Variants in TLE2 observed in about 807,000 individuals in gnomAD.
TLE2 encodes transducin-like enhancer protein 2.
TLE2 carries 74 observed loss-of-function variants against 97.2 expected under a neutral mutation model. That is an observed-to-expected ratio of 0.76 (90% CI 0.63 to 0.92). TLE2 has a LOEUF of 0.92. TLE2 is among the 40% of genes least tolerant of loss of function. The pLI, the probability that TLE2 is intolerant of heterozygous loss-of-function variation, is 0.00. For missense variants in TLE2, 1,038 were observed against 1,008.7 expected (o/e 1.03, Z -0.39); for synonymous variants, 499 against 432.1 (o/e 1.15, Z -1.92).
rs376436338 is a variant in TLE2, at chr19:3,028,432, G to C, written c.123-50C>G. 36 of 1,534,354 alleles carry C rather than the reference G, an allele frequency of 2.3e-5. No homozygotes were observed. In the African/African-American group the frequency reaches 4.5e-4, roughly 19 times the overall value. On this transcript the variant is annotated intron_variant, in intron 2 of 19. Coordinates refer to ENST00000262953, the MANE Select transcript of TLE2 (RefSeq NM_003260.5). ...GGCTCCCACCCGCCCCATGTGGGCCGGCTTCCAAAGTGAGAGGCTGGATCT... is the reference window on the plus strand; with the variant it reads ...GGCTCCCACCCGCCCCATGTGGGCCCGCTTCCAAAGTGAGAGGCTGGATCT...
In TLE2 at chr19:3,019,240, GC is replaced by G. The variant is rs1568243435; in HGVS notation, c.550+42del. On this transcript the variant is annotated intron_variant, in intron 7 of 19. Transcript: ENST00000262953. This position sits in a 1 kb window ranked among gnomAD's most constrained non-coding sequence, Gnocchi z 5.1. ...CCTGGACTGCCAGTCGTCCTCCCCAGCCCCGTCTCCCCAGCCAATGCCACCC... is the reference window on the plus strand; with the variant it reads ...CCTGGACTGCCAGTCGTCCTCCCCAGCCCGTCTCCCCAGCCAATGCCACCC... 6.5e-7 allele frequency: 1 copy of G among 1,546,654 alleles called. No homozygotes were observed. Among genetic ancestry groups the G allele is most frequent in the Non-Finnish European group, 8.7e-7 (1 of 1,153,544 alleles).
intron 14 of TLE2, 96 bp from the exon 15 acceptor site, chr19:3,006,765 C>A: frequency 6.9e-7 from 1 of 1,454,630 alleles, no homozygotes; most frequent in Non-Finnish European, 9.1e-7. Flanking sequence ...TGCCTGGCAC[C>A]CTCTGATGTG....
At position 3,029,031 on chromosome 19, in the gene TLE2, C is replaced by A; in HGVS notation, c.-127G>T. 2.0e-6 allele frequency: 3 copies of A among 1,486,030 alleles called. No individual in the cohort carries two copies. The highest frequency in any genetic ancestry group is 2.7e-6 in the Non-Finnish European group (3 of 1,118,744). 92.1% of individuals were successfully genotyped at this position (1,486,030 alleles called of 1,614,324 possible). ...AGAAAGAGGGAGGAGGGAGAAGCGG[C>A]GCGGGGCAAGGGACCCTGGAGTCCC... On this transcript the variant is annotated 5_prime_UTR_variant, in exon 1 of 20. Coordinates refer to ENST00000262953, the MANE Select transcript of TLE2 (RefSeq NM_003260.5).
At chr19:3,036,732 T>C (rs890597139) in intron 1 of TLE2, among the ~76,000 whole-genome samples, 2 of 142,782 alleles carry the variant, frequency 1.4e-5, no homozygotes, top group African/African-American at 5.1e-5. Context: ...GTGAGATTGC[T>C]GGACAAAACT....
In TLE2 at chr19:3,025,062, C is replaced by A; in HGVS notation, c.252G>T (p.Leu84=). ...MHKQAEIVKR[L]SGICAQIIPF... ...GGATAATCTGAGCGCAGATACCGCT[C>A]AGACGCTTCACAATCTCCGCCTGGC... The change falls in exon 5 of 20, where the codon CTG becomes CTT. Residue 84 remains leucine (L), a synonymous_variant. Transcript: ENST00000262953. The A allele has an allele frequency of 6.2e-7, 1 of 1,605,430 alleles. No homozygotes were observed. The highest frequency in any genetic ancestry group is 8.5e-7 in the Non-Finnish European group (1 of 1,176,244).
chr19:3,019,306 C>A lies in TLE2; in HGVS notation c.527G>T (p.Gly176Val). The A allele has an allele frequency of 6.3e-7, 1 of 1,577,274 alleles. No individual in the cohort carries two copies. Among genetic ancestry groups the A allele is most frequent in the South Asian group, 1.2e-5 (1 of 86,922 alleles). Reference protein sequence around the residue: ...LAAAVKEDRAGVEAEGSRVER... With the variant: ...LAAAVKEDRAVVEAEGSRVER... ...ACCTCTGGACCCCTCGGCCTCCACG[C>A]CCGCACGGTCCTCCTTGACAGCCGC... Residue 176 changes from glycine to valine, a missense_variant, in exon 7 of 20, where the codon GGC (glycine) becomes GTC (valine). Gly to Val is a moderately radical substitution (Grantham distance 109, BLOSUM62 -3). Coordinates refer to ENST00000262953, the MANE Select transcript of TLE2 (RefSeq NM_003260.5). This position sits in a 1 kb window ranked among gnomAD's most constrained non-coding sequence, Gnocchi z 5.1.
intron 9 of TLE2, 146 bp from the exon 10 acceptor site, chr19:3,014,760 G>A (rs972810907): frequency 1.3e-5 from 10 of 766,626 alleles, no homozygotes; most frequent in Non-Finnish European, 1.9e-5. Flanking sequence ...TTTGCTCATA[G>A]CAGAAGGGAA....
At chr19:3,006,052 A>C (rs2089468189) in intron 15 of TLE2, 84 bp from the exon 16 acceptor site, 1 of 1,481,000 alleles carries the variant, frequency 6.8e-7, no homozygotes, top group Non-Finnish European at 9.4e-7. Flanking sequence ...GGGTCTCTGG[A>C]GCCCAATGTA....
intron 5 of TLE2, among the ~76,000 whole-genome samples, chr19:3,021,671 C>T (rs758049524): frequency 5.9e-5 from 9 of 152,022 alleles, no homozygotes; most frequent in African/African-American, 9.7e-5. Context: ...CAACCTCCGC[C>T]TCCCAGGTTC....
Position 3,005,575 on chromosome 19 carries a change from C to A in TLE2, c.1758G>T (p.Gln586His), listed in dbSNP as rs1367798973. 3 of 1,613,174 alleles carry A rather than the reference C, an allele frequency of 1.9e-6. No homozygotes were observed. The highest frequency in any genetic ancestry group is 1.7e-5 in the Admixed American group (1 of 59,840). ...LQNQTMVRQF[Q>H]GHTDGASCID... ...TGCAGCTGGCGCCGTCCGTGTGGCC[C>A]TGGAACTGCCTGGAGGGAGAAGGGC... Residue 586 changes from glutamine to histidine, a missense_variant, in exon 17 of 20, where the codon CAG (glutamine) becomes CAT (histidine). Transcript: ENST00000262953.
intron 18 of TLE2, among the ~76,000 whole-genome samples, chr19:3,001,226 T>C (rs979206485): frequency 6.6e-6 from 1 of 151,464 alleles, no homozygotes; most frequent in Non-Finnish European, 1.5e-5. Context: ...TGAGCTGAGA[T>C]TGCGCCACTG....
Position 3,002,350 on chromosome 19 carries a change from C to G in TLE2, c.2047+3G>C. 1 of 1,606,916 alleles carries G rather than the reference C, an allele frequency of 6.2e-7. No individual in the cohort carries two copies. The highest frequency in any genetic ancestry group is 8.5e-7 in the Non-Finnish European group (1 of 1,175,732). On this transcript the variant is annotated splice_donor_region_variant and intron_variant, in intron 18 of 19. Transcript: ENST00000262953. ...GCGTGCCACCCCGCCCCAGAAGACA[C>G]ACCGCAGGAGGCAAACTTCAGGGAC...
In TLE2 at chr19:3,028,717, A is replaced by C. The variant is rs1382302048; in HGVS notation, c.111T>G (p.Ala37=). The C allele has an allele frequency of 6.2e-7, 1 of 1,612,622 alleles. No individual in the cohort carries two copies. The highest frequency in any genetic ancestry group is 1.3e-5 in the African/African-American group (1 of 74,936). The stretch of plus-strand genomic sequence containing the variant: ...GCGGCCCCCCTCACCTGTGGTATTG[A>C]GCCTGAAGAAACTGGAATTCTTCTT... ...RIKEEFQFLQ[A]QYHSLKLECE... is the part of the protein sequence containing the mutation. Residue 37 remains alanine (A), a synonymous_variant, in exon 2 of 20, where the codon GCT becomes GCG. Coordinates refer to ENST00000262953, the MANE Select transcript of TLE2 (RefSeq NM_003260.5).
At chr19:3,009,182 G>C (rs1599208093) in intron 13 of TLE2, among the ~76,000 whole-genome samples, 1 of 152,286 alleles carries the variant, frequency 6.6e-6, no homozygotes, top group Non-Finnish European at 1.5e-5. Context: ...GGATCCTGAA[G>C]GGTTCTCCAT....
At chr19:3,002,796 TC>T (rs1391434287) in intron 17 of TLE2, among the ~76,000 whole-genome samples, 9 of 152,070 alleles carry the variant, frequency 5.9e-5, no homozygotes, top group Non-Finnish European at 1.2e-4. Flanking sequence ...CCTCCCAGGT[TC>T]AAGGGATTCT....
Position 3,019,442 on chromosome 19 carries a change from G to A in TLE2, c.391C>T (p.His131Tyr). ...GTGAGGGGCACAGGGGGTGCGTGGT[G>A]GGACAGCGGCTGGAGCTGCTGCTGC... The part of the protein sequence containing the change: ...LIGQQLQPLS[H>Y]HAPPVPLTPR... The change falls in exon 7 of 20, where the codon CAC (histidine) becomes TAC (tyrosine). Residue 131 changes from histidine to tyrosine, a missense_variant. Physicochemically the swap from His to Tyr is moderately conservative, Grantham distance 83. Transcript: ENST00000262953. This position sits in a 1 kb window ranked among gnomAD's most constrained non-coding sequence, Gnocchi z 5.1. The A allele has an allele frequency of 6.5e-7, 1 of 1,529,206 alleles. No homozygotes were observed. Among genetic ancestry groups the A allele is most frequent in the African/African-American group, 1.4e-5 (1 of 73,028 alleles). 94.7% of individuals were successfully genotyped at this position (1,529,206 alleles called of 1,614,324 possible).
At chr19:3,024,999 C>T (rs1424137132) in intron 5 of TLE2, 21 bp downstream of exon 5, 1 of 1,576,572 alleles carries the variant, frequency 6.3e-7, no homozygotes, top group Admixed American at 1.8e-5. Context: ...CCCTCCTCCC[C>T]CCACCCCCAG....
In TLE2 at chr19:2,997,648, A is replaced by ATAGAT; in HGVS notation, c.*195_*199dup. 1.7e-6 allele frequency: 1 copy of ATAGAT among 581,150 alleles called. No individual in the cohort carries two copies. The highest frequency in any genetic ancestry group is 2.8e-5 in the East Asian group (1 of 35,890). The allele number at this position is 581,150 out of a possible 1,614,324, so 36.0% of individuals were successfully genotyped here. A position where few individuals can be genotyped will look rare whatever the true frequency, so the allele number is the denominator to read the frequency against. ...AGCCCGAGAGAGAAGTGCGGATGTG[A>ATAGAT]TAGATACATTTTATTTCCACCGAGG... On this transcript the variant is annotated 3_prime_UTR_variant, in exon 20 of 20. Coordinates refer to ENST00000262953, the MANE Select transcript of TLE2 (RefSeq NM_003260.5).
intron 1 of TLE2, among the ~76,000 whole-genome samples, chr19:3,039,374 T>C (rs961850911): frequency 3.3e-5 from 5 of 152,028 alleles, no homozygotes; most frequent in African/African-American, 1.2e-4. Context: ...TCTCACCTCC[T>C]CCCACTTCTC....
Sources: gnomAD v4.1 joint callset for allele counts (sites outside exome capture counted in the v4.1 genomes callset) on GRCh38, gnomAD v4.1.1 for gene constraint, Gnocchi (gnomAD v3.1) non-coding constraint, MANE v1.5 for transcripts, NCBI Gene and HGNC (gene_info 2026-07-23, HGNC 2026-07-21) for gene names.